The following ANKS1A variants were observed in gnomAD, a reference collection of about 807,000 sequenced individuals.
ANKS1A encodes ankyrin repeat and sterile alpha motif domain containing 1A, also known as ankyrin repeat and SAM domain-containing protein 1A.
ANKS1A carries 55 observed loss-of-function variants against 120.3 expected under a neutral mutation model. The ratio of observed to expected loss-of-function variants is 0.46; its 90% confidence interval spans 0.37 to 0.57. ANKS1A has a LOEUF of 0.57. Among genes scored for constraint, ANKS1A ranks in the 20% least tolerant of loss-of-function variants. ANKS1A has a pLI of 0.00. For synonymous variants in ANKS1A, 590 were observed against 604.7 expected, an observed-to-expected ratio of 0.98 and a Z score of 0.36; for missense variants, 1,123 against 1,480.3, an observed-to-expected ratio of 0.76 and a Z score of 3.96.
At chr6:35,096,096 G>A (rs1374431144), downstream of ANKS1A, among the ~76,000 whole-genome samples, 2 of 152,194 alleles carry the variant, frequency 1.3e-5, no homozygotes, top group South Asian at 2.1e-4. Context: ...CACTTCAGAA[G>A]AATCAGAGGC....
At chr6:35,077,120 G>C (rs2127604072) in intron 13 of ANKS1A, among the ~76,000 whole-genome samples, 1 of 152,344 alleles carries the variant, frequency 6.6e-6, no homozygotes, top group East Asian at 1.9e-4. Context: ...GTTGCTGATG[G>C]TGTGGGGGAT....
At chr6:35,074,844 G>C (rs1380087849) in intron 13 of ANKS1A, among the ~76,000 whole-genome samples, 4 of 152,198 alleles carry the variant, frequency 2.6e-5, no homozygotes, top group Non-Finnish European at 5.9e-5. Flanking sequence ...TCCTCTGTGG[G>C]ACAACGTTTA....
intron 13 of ANKS1A, among the ~76,000 whole-genome samples, chr6:35,072,228 G>T (rs973578309): frequency 1.3e-5 from 2 of 152,204 alleles, no homozygotes; most frequent in African/African-American, 4.8e-5. Context: ...AGCCCCTGCC[G>T]CTTCTCCTGC....
intron 9 of ANKS1A, among the ~76,000 whole-genome samples, chr6:34,991,721 TAC>T (rs1485525128): frequency 1.2e-5 from 1 of 86,274 alleles, no homozygotes; most frequent in African/African-American, 4.2e-5. Flanking sequence ...CACATATATA[TAC>T]ATATATACAC....
chr6:35,078,622 G>A lies in ANKS1A; in HGVS notation c.2249G>A (p.Arg750Gln), dbSNP rs368743434. 289 of 1,605,638 alleles carry A rather than the reference G, an allele frequency of 1.8e-4. No individual in the cohort carries two copies. Among genetic ancestry groups the A allele is most frequent in the Non-Finnish European group, 2.3e-4 (269 of 1,179,918 alleles). ...GGCATCAGCGACCCACAGCACCGGC[G>A]GAAGCTGCTCCAGGCGGCACGCTCC... Reference protein sequence around the residue: ...DIGISDPQHRRKLLQAARSLP... With the variant: ...DIGISDPQHRQKLLQAARSLP... The change falls in exon 14 of 24, where the codon CGG becomes CAG. Residue 750 changes from arginine (R) to glutamine (Q), a missense_variant. Arg to Gln is a conservative substitution (Grantham distance 43). This residue lies in a region of ANKS1A where 904 missense variants were observed against 1,130.4 expected (regional missense o/e 0.80). Coordinates refer to ENST00000360359, the MANE Select transcript of ANKS1A (RefSeq NM_015245.3).
intron 1 of ANKS1A, among the ~76,000 whole-genome samples, chr6:34,928,717 C>T (rs1240955401): frequency 6.6e-6 from 1 of 152,148 alleles, no homozygotes; most frequent in African/African-American, 2.4e-5. Context: ...TGGTTATTGG[C>T]GTGGCTGGGA....
intron 1 of ANKS1A, among the ~76,000 whole-genome samples, chr6:34,940,576 A>G (rs1025775585): frequency 6.6e-6 from 1 of 152,184 alleles, no homozygotes; most frequent in African/African-American, 2.4e-5. Context: ...GTGAACCAAG[A>G]TTAGTAGTGC....
In ANKS1A at chr6:35,084,492, C is replaced by CTTTT. The variant is rs11458954; in HGVS notation, c.3132+248_3132+251dup. Among the ~76,000 whole-genome samples, 26 of 138,508 alleles carry CTTTT rather than the reference C, an allele frequency of 1.9e-4. No individual in the cohort carries two copies. The highest frequency in any genetic ancestry group is 5.1e-4 in the African/African-American group (19 of 37,368). The allele number at this position is 138,508 out of a possible 152,430, so 90.9% of individuals were successfully genotyped here. A position where few individuals can be genotyped will look rare whatever the true frequency, so the allele number is the denominator to read the frequency against. ...GGGCACTAGGGACAGGAGGTTCCAG[C>CTTTT]TTTTTTTTTTTTTTTTTAAGAGATG... On this transcript the variant is annotated intron_variant, in intron 21 of 23. Transcript: ENST00000360359. This position sits in a 1 kb window ranked among gnomAD's most constrained non-coding sequence, Gnocchi z 4.8.
chr6:34,920,769 G>A (rs1227503147), intron 1 of ANKS1A, among the ~76,000 whole-genome samples: 2 of 152,196 alleles, frequency 1.3e-5, no homozygotes, highest in East Asian at 1.9e-4. Flanking sequence ...AGTGCTCAGA[G>A]TCATTCGGCT....
chr6:34,891,037 A>G (rs1242087988), intron 1 of ANKS1A, among the ~76,000 whole-genome samples: 1 of 152,196 alleles, frequency 6.6e-6, no homozygotes, highest in Non-Finnish European at 1.5e-5. Flanking sequence ...AAATAAATGG[A>G]TGGTGGATGG....
intron 20 of ANKS1A, 152 bp from the exon 21 acceptor site, chr6:35,083,969 C>A: frequency 1.6e-6 from 2 of 1,267,016 alleles, no homozygotes; most frequent in Non-Finnish European, 2.2e-6. Flanking sequence ...GGACCCCCAC[C>A]CCCACCAATA....
At position 35,017,628 on chromosome 6, in the gene ANKS1A, C is replaced by T; in HGVS notation, c.1579C>T (p.His527Tyr). The T allele has an allele frequency of 1.2e-5, 20 of 1,613,854 alleles. No homozygotes were observed. Among genetic ancestry groups the T allele is most frequent in the Non-Finnish European group, 1.7e-5 (20 of 1,179,912 alleles). The stretch of plus-strand genomic sequence containing the variant: ...GCTGCTCTGTACCGCTGGCCAGAGC[C>T]ATCCAGACGGGTCCCCCCAGCAGGG... The part of the protein sequence containing the change: ...FQLLCTAGQS[H>Y]PDGSPQQGAC... The change falls in exon 11 of 24, where the codon CAT (histidine) becomes TAT (tyrosine). Residue 527 changes from histidine to tyrosine, a missense_variant. His to Tyr is a moderately conservative substitution (Grantham distance 83). This residue lies in a region of ANKS1A where 904 missense variants were observed against 1,130.4 expected (regional missense o/e 0.80). Coordinates refer to ENST00000360359, the MANE Select transcript of ANKS1A (RefSeq NM_015245.3).
At chr6:34,897,510 G>A (rs954372599) in intron 1 of ANKS1A, among the ~76,000 whole-genome samples, 11 of 152,206 alleles carry the variant, frequency 7.2e-5, no homozygotes, top group African/African-American at 2.7e-4. Flanking sequence ...TTTGTTCTTA[G>A]AAAAATCAGG....
At chr6:34,908,240 C>T (rs1038359313) in intron 1 of ANKS1A, among the ~76,000 whole-genome samples, 1 of 152,112 alleles carries the variant, frequency 6.6e-6, no homozygotes, top group African/African-American at 2.4e-5. Flanking sequence ...GGAAGTGGGG[C>T]CCTACCTTTC....
intron 1 of ANKS1A, among the ~76,000 whole-genome samples, chr6:34,961,783 A>G (rs973058988): frequency 1.3e-5 from 2 of 152,308 alleles, no homozygotes; most frequent in African/African-American, 4.8e-5. Flanking sequence ...CGCTTTAACC[A>G]GCCTTGGTGT....
chr6:35,002,314 G>C (rs1394033130), intron 10 of ANKS1A, among the ~76,000 whole-genome samples: 1 of 152,072 alleles, frequency 6.6e-6, no homozygotes, highest in Non-Finnish European at 1.5e-5. Flanking sequence ...CCCCTGCAAA[G>C]TGACTCTGAA....
In ANKS1A at chr6:34,972,734, G is replaced by A. The variant is rs140013016; in HGVS notation, c.435+2568G>A. On this transcript the variant is annotated intron_variant, in intron 3 of 23. Transcript: ENST00000360359. ...CTCCGCTTCTACTCTTGTCCACTCA[G>A]GGTCCTCCTCATCATGCTGACTGTT... The A allele has an allele frequency of 2.1e-3, 1,312 of 619,974 alleles. 14 individuals carry two copies. The African/African-American group carries it at 0.024, about 11-fold the overall frequency. The allele number at this position is 619,974 out of a possible 1,614,324, so 38.4% of individuals were successfully genotyped here. A position where few individuals can be genotyped will look rare whatever the true frequency, so the allele number is the denominator to read the frequency against.
At chr6:34,996,632 C>T (rs1356979014) in intron 10 of ANKS1A, among the ~76,000 whole-genome samples, 1 of 151,996 alleles carries the variant, frequency 6.6e-6, no homozygotes, top group African/African-American at 2.4e-5. Context: ...GCTACCACGC[C>T]CAGCTAATTT....
intron 1 of ANKS1A, among the ~76,000 whole-genome samples, chr6:34,913,083 A>G (rs1286227309): frequency 6.6e-6 from 1 of 152,256 alleles, no homozygotes; most frequent in Non-Finnish European, 1.5e-5. Context: ...GGAGCCAGGT[A>G]CAGAAAGATG....
Sources: gnomAD v4.1 joint callset for allele counts (sites outside exome capture counted in the v4.1 genomes callset) on GRCh38, gnomAD v4.1.1 for gene constraint, gnomAD v4.1.1 regional missense constraint, Gnocchi (gnomAD v3.1) non-coding constraint, MANE v1.5 for transcripts, NCBI Gene and HGNC (gene_info 2026-07-23, HGNC 2026-07-21) for gene names.